The following ZNF124 variants were observed in gnomAD, a reference collection of about 807,000 sequenced individuals.
The protein encoded by ZNF124 is zinc finger protein HZF-16.
A neutral mutation model predicts 26.6 loss-of-function variants in ZNF124; 25 were observed. The ratio of observed to expected loss-of-function variants is 0.94; its 90% CI spans 0.68 to 1.31. ZNF124 has a LOEUF of 1.31. ZNF124 is among the 40% of genes most tolerant of loss of function. The pLI is 0.00. For synonymous variants in ZNF124, 129 were observed against 133.3 expected, an observed-to-expected ratio of 0.97 and a Z score of 0.22; for missense variants, 444 against 422.2, an observed-to-expected ratio of 1.05 and a Z score of -0.45.
At chr1:247,124,642 C>T (rs1672164576) in intron 3 of ZNF124, among the ~76,000 whole-genome samples, 1 of 152,178 alleles carries the variant, frequency 6.6e-6, no homozygotes, top group Non-Finnish European at 1.5e-5. Flanking sequence ...TCTGTCTAAT[C>T]TACTAATCTA....
intron 1 of ZNF124, among the ~76,000 whole-genome samples, chr1:247,170,274 TAAAC>T (rs945463146): frequency 2.7e-5 from 4 of 150,004 alleles, no homozygotes; most frequent in Admixed American, 1.4e-4. Context: ...GAAAACATGA[TAAAC>T]AATTACATTA....
chr1:247,151,204 G>A (rs1000895402), downstream of ZNF124, among the ~76,000 whole-genome samples: 15 of 152,060 alleles, frequency 9.9e-5, no homozygotes, highest in African/African-American at 3.4e-4. Flanking sequence ...GTTGGGCTGG[G>A]CGCGGTGGCT....
chr1:247,157,803 T>G (rs1572085757), intron 3 of ZNF124, among the ~76,000 whole-genome samples: 1 of 152,310 alleles, frequency 6.6e-6, no homozygotes, highest in African/African-American at 2.4e-5. Context: ...TTTTCTCCCT[T>G]CAAATTTCAT....
chr1:247,154,821 A>G (rs1359771557), downstream of ZNF124, among the ~76,000 whole-genome samples: 1 of 152,216 alleles, frequency 6.6e-6, no homozygotes, highest in African/African-American at 2.4e-5. Flanking sequence ...TGACAAAGTT[A>G]GACCCAATTT....
At chr1:247,125,683 C>T (rs375040046) in intron 3 of ZNF124, among the ~76,000 whole-genome samples, 1 of 150,920 alleles carries the variant, frequency 6.6e-6, no homozygotes, top group African/African-American at 2.4e-5. Context: ...GCGCCGGCGC[C>T]GATTAAAGGC....
chr1:247,124,831 T>A (rs1232104097), intron 3 of ZNF124, among the ~76,000 whole-genome samples: 1 of 152,206 alleles, frequency 6.6e-6, no homozygotes, highest in Non-Finnish European at 1.5e-5. Context: ...AGGGTCTCGC[T>A]CTGTCACCCA....
exon 4 of ZNF124, chr1:247,122,747 CGATG>C (rs1389627366): frequency 6.6e-6 from 1 of 152,208 alleles, no homozygotes; most frequent in Non-Finnish European, 1.5e-5. Context: ...GTGCACAAGG[CGATG>C]ACCTTTATGT....
In ZNF124 at chr1:247,146,892, G is replaced by C. The variant is rs192177209; in HGVS notation, c.218+12114C>G. On this transcript the variant is annotated intron_variant, in intron 3 of 3. Coordinates refer to the ZNF124 transcript ENST00000472531. Reference sequence around the variant, plus strand: ...TCAAGGCAGAATTTCTACTAGAACAGGTACCGGGGGGTAGCTTCTGAGGTT... The same window carrying C: ...TCAAGGCAGAATTTCTACTAGAACACGTACCGGGGGGTAGCTTCTGAGGTT... 3.6e-4 allele frequency among the ~76,000 whole-genome samples: 55 copies of C among 151,814 alleles called. No individual in the cohort carries two copies. In the East Asian group the frequency reaches 8.1e-3, roughly 22 times the overall value.
intron 3 of ZNF124, among the ~76,000 whole-genome samples, chr1:247,137,589 A>G (rs1207805465): frequency 6.6e-6 from 1 of 152,028 alleles, no homozygotes; most frequent in Non-Finnish European, 1.5e-5. Flanking sequence ...CAATTGCAAC[A>G]AAAGCAAAAA....
chr1:247,164,803 T>C (rs1353843278), intron 1 of ZNF124, among the ~76,000 whole-genome samples: 1 of 152,098 alleles, frequency 6.6e-6, no homozygotes, highest in African/African-American at 2.4e-5. Context: ...AGATCCCACA[T>C]AGCCAAGCAA....
intron 3 of ZNF124, among the ~76,000 whole-genome samples, chr1:247,137,487 C>CAAA (rs56926662): frequency 8.0e-4 from 65 of 81,598 alleles, no homozygotes; most frequent in African/African-American, 1.8e-3. Flanking sequence ...ACTAAAAATA[C>CAAA]AAAAAAAAAA....
chr1:247,127,727 C>A (rs1043797413), intron 3 of ZNF124, among the ~76,000 whole-genome samples: 10 of 149,062 alleles, frequency 6.7e-5, no homozygotes, highest in African/African-American at 2.5e-4. Flanking sequence ...CTTGCTCAAT[C>A]GATCACGACC....
chr1:247,159,979 CTTTTTTTTTTT>C (rs1212199135), intron 1 of ZNF124, 166 bp from the exon 2 acceptor site: 14 of 147,744 alleles, frequency 9.5e-5, no homozygotes, highest in South Asian at 9.3e-5. Context: ...CATAGCAGTT[CTTTTTTTTTTT>C]TTTTTTTTTT....
chr1:247,158,770 C>T (rs537018468), intron 3 of ZNF124, among the ~76,000 whole-genome samples: 4 of 152,190 alleles, frequency 2.6e-5, no homozygotes, highest in African/African-American at 4.8e-5. Flanking sequence ...GCAGGGATTA[C>T]AGGCATGCAC....
chr1:247,159,995 T>C lies in ZNF124; in HGVS notation c.31-182A>G, dbSNP rs1572090461. The C allele has an allele frequency of 5.6e-6, 4 of 718,502 alleles. No homozygotes were observed. In the East Asian group the frequency reaches 1.7e-4, roughly 30 times the overall value. The allele number at this position is 718,502 out of a possible 1,614,324, so 44.5% of individuals were successfully genotyped here. ...ATAGCAGTTCTTTTTTTTTTTTTTTTTTTTTTTTTGAGACGGAGTCTCACT... is the reference window on the plus strand; with the variant it reads ...ATAGCAGTTCTTTTTTTTTTTTTTTCTTTTTTTTTGAGACGGAGTCTCACT... On this transcript the variant is annotated intron_variant, in intron 1 of 3. Coordinates refer to ENST00000543802, the MANE Select transcript of ZNF124 (RefSeq NM_001297568.2).
chr1:247,145,057 G>A (rs1173286775), intron 3 of ZNF124, among the ~76,000 whole-genome samples: 1 of 152,042 alleles, frequency 6.6e-6, no homozygotes, highest in Non-Finnish European at 1.5e-5. Flanking sequence ...TACAGGCGTG[G>A]GCCACTGCGC....
intron 3 of ZNF124, among the ~76,000 whole-genome samples, chr1:247,148,216 G>T (rs1163642168): frequency 6.6e-6 from 1 of 152,164 alleles, no homozygotes; most frequent in Admixed American, 6.5e-5. Flanking sequence ...TCGCTAACAG[G>T]TTGGCGAGTG....
At chr1:247,166,136 G>A (rs1673767570) in intron 1 of ZNF124, among the ~76,000 whole-genome samples, 1 of 152,160 alleles carries the variant, frequency 6.6e-6, no homozygotes, top group African/African-American at 2.4e-5. Flanking sequence ...CCAAAATCGT[G>A]CCACTGCACT....
At chr1:247,145,253 G>A (rs1672732477) in intron 3 of ZNF124, among the ~76,000 whole-genome samples, 1 of 152,176 alleles carries the variant, frequency 6.6e-6, no homozygotes. Flanking sequence ...GGAAAAGATG[G>A]TAAAATCAGC....
Sources: allele counts gnomAD v4.1 joint callset (sites outside exome capture counted in the v4.1 genomes callset), GRCh38; gene constraint gnomAD v4.1.1; transcripts MANE v1.5; gene names NCBI Gene and HGNC (gene_info 2026-07-23, HGNC 2026-07-21).